GREB1L: variants seen among roughly 807,000 people sequenced by gnomAD.
The protein encoded by GREB1L is GREB1 like retinoic acid receptor coactivator.
In GREB1L, 17 loss-of-function variants were observed where a neutral mutation model predicts 200.8. The ratio of observed to expected loss-of-function variants is 0.08; its 90% CI spans 0.06 to 0.13. The LOEUF (loss-of-function observed/expected upper bound fraction) is 0.13. GREB1L is among the 10% of genes least tolerant of loss of function. The pLI is 1.00. For missense variants in GREB1L, 1,657 were observed against 2,367.7 expected (o/e 0.70, Z 6.23); for synonymous variants, 789 against 893.0 (o/e 0.88, Z 2.08).
At chr18:21,251,056 CTG>C (rs1021031885) in intron 1 of GREB1L, among the ~76,000 whole-genome samples, 5 of 152,282 alleles carry the variant, frequency 3.3e-5, no homozygotes, top group African/African-American at 1.2e-4. Flanking sequence ...TGGCTCATGT[CTG>C]TAATCCTAGT....
At chr18:21,330,062 A>C (rs1259995119) in intron 1 of GREB1L, among the ~76,000 whole-genome samples, 1 of 151,594 alleles carries the variant, frequency 6.6e-6, no homozygotes, top group African/African-American at 2.4e-5. Context: ...CTGAAGAAAA[A>C]CCATAATTAA....
intron 2 of GREB1L, among the ~76,000 whole-genome samples, chr18:21,380,928 G>A (rs1322644603): frequency 2.0e-5 from 3 of 151,484 alleles, no homozygotes; most frequent in Non-Finnish European, 4.4e-5. Context: ...GTGAAACCCC[G>A]TCTCTACTAA....
intron 1 of GREB1L, among the ~76,000 whole-genome samples, chr18:21,263,576 G>T (rs1245333068): frequency 2.0e-5 from 3 of 152,128 alleles, no homozygotes; most frequent in Non-Finnish European, 2.9e-5. Context: ...AATGACTTAA[G>T]TTTAATGTTG....
intron 17 of GREB1L, among the ~76,000 whole-genome samples, chr18:21,484,871 A>G (rs888896504): frequency 2.0e-5 from 3 of 152,320 alleles, no homozygotes; most frequent in African/African-American, 7.2e-5. Context: ...CACAGGCAAC[A>G]TGACAGCAAG....
chr18:21,384,353 C>G lies in GREB1L; in HGVS notation c.305C>G (p.Pro102Arg). Reference protein sequence around the residue: ...DEEMSDSNSPPIPYSQKPAPE... With the variant: ...DEEMSDSNSPRIPYSQKPAPE... ...GAAATGTCTGATTCAAACAGCCCAC[C>G]AATTCCCTATTCACAAAAACCTGCC... Residue 102 changes from proline (P) to arginine (R), a missense_variant, in exon 4 of 33, where the codon CCA becomes CGA. By Grantham distance (103) the Pro-to-Arg change is moderately radical. Coordinates refer to ENST00000424526, the MANE Select transcript of GREB1L (RefSeq NM_001142966.3). 1 of 1,551,824 alleles carries G rather than the reference C, an allele frequency of 6.4e-7. No individual in the cohort carries two copies. The highest frequency in any genetic ancestry group is 8.7e-7 in the Non-Finnish European group (1 of 1,146,990).
At position 21,500,361 on chromosome 18, in the gene GREB1L, C is replaced by T. The variant is rs1277716348; in HGVS notation, c.3969+55C>T. The T allele has an allele frequency of 6.7e-6, 6 of 889,804 alleles. No individual in the cohort carries two copies. In the African/African-American group the frequency reaches 8.3e-5, roughly 12 times the overall value. 55.1% of individuals were successfully genotyped at this position (889,804 alleles called of 1,614,324 possible). On this transcript the variant is annotated intron_variant, in intron 22 of 32. Transcript: ENST00000424526. ...TAGGCTGGGGTTGGCGCGTCTTCCT[C>T]AAGAAGTAGAAGCCAGAAAACCTCT... is the stretch of plus-strand genomic sequence containing the variant.
chr18:21,245,946 G>A (rs2037592368), intron 1 of GREB1L, among the ~76,000 whole-genome samples: 1 of 152,126 alleles, frequency 6.6e-6, no homozygotes, highest in Admixed American at 6.5e-5. Flanking sequence ...CGATCTCATC[G>A]ATCTCGACCT....
chr18:21,420,356 T>C (rs2032049115), intron 7 of GREB1L, among the ~76,000 whole-genome samples: 2 of 146,140 alleles, frequency 1.4e-5, no homozygotes, highest in Admixed American at 1.4e-4. Context: ...TGAGCGACAG[T>C]GTGAGAGACT....
At chr18:21,317,198 A>T (rs1471720280) in intron 1 of GREB1L, among the ~76,000 whole-genome samples, 1 of 151,930 alleles carries the variant, frequency 6.6e-6, no homozygotes, top group Non-Finnish European at 1.5e-5. Flanking sequence ...ACATAGTGAG[A>T]CCTGTCTCTA....
intron 7 of GREB1L, among the ~76,000 whole-genome samples, chr18:21,432,914 C>T (rs1196239343): frequency 6.6e-6 from 1 of 151,842 alleles, no homozygotes; most frequent in Non-Finnish European, 1.5e-5. Flanking sequence ...CCCATGTTGG[C>T]CAGGCTGGTC....
chr18:21,381,220 C>T (rs541158029), intron 2 of GREB1L, among the ~76,000 whole-genome samples: 4 of 151,672 alleles, frequency 2.6e-5, no homozygotes, highest in East Asian at 2.0e-4. Context: ...CCAGCCTGGA[C>T]GACAGAGCGA....
rs117875164 is a variant in GREB1L, at chr18:21,261,252, G to A, written c.-120+18859G>A. On this transcript the variant is annotated intron_variant, in intron 1 of 32. Coordinates refer to ENST00000424526, the MANE Select transcript of GREB1L (RefSeq NM_001142966.3). ...TGATTAAAATTTAGTCTTACACTTA[G>A]TCTGATACTGTAATTATAAATAAAC... Among the ~76,000 whole-genome samples, 51 of 152,076 alleles carry A rather than the reference G, an allele frequency of 3.4e-4. 1 individual carries two copies. The East Asian group carries it at 9.4e-3, about 28-fold the overall frequency.
intron 15 of GREB1L, among the ~76,000 whole-genome samples, chr18:21,458,071 C>T (rs1172932523): frequency 3.3e-5 from 5 of 150,078 alleles, no homozygotes; most frequent in Non-Finnish European, 7.4e-5. Flanking sequence ...CGGGTTCAAG[C>T]GATTCTTCTG....
chr18:21,344,607 A>G (rs569097755), intron 1 of GREB1L, among the ~76,000 whole-genome samples: 1 of 152,334 alleles, frequency 6.6e-6, no homozygotes, highest in Admixed American at 6.5e-5. Context: ...CAAGTATACA[A>G]GTAGTACTGT....
intron 27 of GREB1L, among the ~76,000 whole-genome samples, chr18:21,512,947 C>T (rs942592460): frequency 1.3e-5 from 2 of 152,134 alleles, no homozygotes; most frequent in African/African-American, 2.4e-5. Context: ...TTTCATTTAT[C>T]ACCTACGTTT....
chr18:21,334,318 T>G, intron 1 of GREB1L, among the ~76,000 whole-genome samples: 1 of 152,190 alleles, frequency 6.6e-6, no homozygotes, highest in East Asian at 1.9e-4. Context: ...TTAGAAATTT[T>G]GAGTTTTGAG....
intron 15 of GREB1L, among the ~76,000 whole-genome samples, chr18:21,471,480 C>T (rs2035478021): frequency 1.3e-5 from 2 of 152,196 alleles, no homozygotes; most frequent in South Asian, 4.2e-4. Context: ...CTGTCTTCTC[C>T]ATCATGAACT....
At chr18:21,244,104 C>T (rs2143805331) in intron 1 of GREB1L, among the ~76,000 whole-genome samples, 1 of 152,276 alleles carries the variant, frequency 6.6e-6, no homozygotes, top group South Asian at 2.1e-4. Context: ...CAAATGTGGA[C>T]AATTATTACC....
At chr18:21,467,813 A>G (rs774032985) in intron 15 of GREB1L, among the ~76,000 whole-genome samples, 1 of 152,142 alleles carries the variant, frequency 6.6e-6, no homozygotes, top group Non-Finnish European at 1.5e-5. Context: ...TCACAAGGTC[A>G]GGAGATTGAG....
Sources: gnomAD v4.1 joint callset for allele counts (sites outside exome capture counted in the v4.1 genomes callset) on GRCh38, gnomAD v4.1.1 for gene constraint, MANE v1.5 for transcripts, NCBI Gene and HGNC (gene_info 2026-07-23, HGNC 2026-07-21) for gene names.